Variants in SPAG16 observed in about 807,000 individuals in gnomAD.
SPAG16 encodes the protein sperm-associated antigen 16 protein.
A neutral mutation model predicts 80.4 loss-of-function variants in SPAG16; 86 were observed. The observed-to-expected ratio is 1.07, with a 90% CI of 0.90 to 1.28. The LOEUF (loss-of-function observed/expected upper bound fraction) is 1.28. SPAG16 is among the 50% of genes most tolerant of loss of function. SPAG16 has a pLI of 0.00. For synonymous variants in SPAG16, 294 were observed against 265.9 expected (o/e 1.11, Z -1.03); for missense variants, 870 against 765.3 (o/e 1.14, Z -1.61).
intron 10 of SPAG16, among the ~76,000 whole-genome samples, chr2:213,835,216 A>C (rs988255735): frequency 6.6e-6 from 1 of 152,204 alleles, no homozygotes; most frequent in African/African-American, 2.4e-5. Context: ...TGGAATCTAG[A>C]AATGTCTGAT....
rs1559505872 is a variant in SPAG16, at chr2:213,833,477, A to ATATATATAT, written c.1071-28999_1071-28991dup. The stretch of plus-strand genomic sequence containing the variant: ...TATTATATATATATTATATATAATA[A>ATATATATAT]TATATATATTATATATAATATATAT... On this transcript the variant is annotated intron_variant, in intron 10 of 15. Coordinates refer to ENST00000331683, the MANE Select transcript of SPAG16 (RefSeq NM_024532.5). 7.0e-3 allele frequency among the ~76,000 whole-genome samples: 21 copies of ATATATATAT among 2,996 alleles called. 7 individuals are homozygous for ATATATATAT. Among genetic ancestry groups the ATATATATAT allele is most frequent in the African/African-American group, 9.7e-3 (17 of 1,754 alleles). The allele number at this position is 2,996 out of a possible 152,430, so 2.0% of individuals were successfully genotyped here.
intron 14 of SPAG16, among the ~76,000 whole-genome samples, chr2:214,134,051 C>T (rs1197464107): frequency 6.6e-6 from 1 of 152,140 alleles, no homozygotes; most frequent in East Asian, 1.9e-4. Context: ...GAGTCATAAA[C>T]ATCTTAATAT....
intron 3 of SPAG16, among the ~76,000 whole-genome samples, chr2:213,299,527 C>T (rs923116684): frequency 2.0e-5 from 3 of 151,966 alleles, no homozygotes; most frequent in Non-Finnish European, 4.4e-5. Flanking sequence ...ATCCACCTGC[C>T]TCAGCCTCCC....
intron 10 of SPAG16, among the ~76,000 whole-genome samples, chr2:213,697,404 C>T (rs2065202830): frequency 2.0e-5 from 3 of 152,124 alleles, no homozygotes; most frequent in Admixed American, 2.0e-4. Flanking sequence ...TTGAAGCCTG[C>T]ACAATGTGAT....
At chr2:213,961,759 C>T (rs2044440147) in intron 12 of SPAG16, among the ~76,000 whole-genome samples, 1 of 152,034 alleles carries the variant, frequency 6.6e-6, no homozygotes, top group Non-Finnish European at 1.5e-5. Flanking sequence ...ATCCATTTTA[C>T]ATGTTGCTGG....
chr2:213,646,583 T>G (rs2125132035), intron 10 of SPAG16, among the ~76,000 whole-genome samples: 1 of 152,288 alleles, frequency 6.6e-6, no homozygotes, highest in South Asian at 2.1e-4. Flanking sequence ...TTAAATTCAT[T>G]TGATTGGAAA....
At chr2:214,272,513 T>C (rs1400595319) in intron 15 of SPAG16, among the ~76,000 whole-genome samples, 1 of 152,150 alleles carries the variant, frequency 6.6e-6, no homozygotes. Context: ...CATTGTTCAA[T>C]TCCCACCTAT....
intron 14 of SPAG16, among the ~76,000 whole-genome samples, chr2:214,109,931 A>G (rs1576233801): frequency 1.3e-5 from 2 of 152,296 alleles, no homozygotes; most frequent in Middle Eastern, 3.4e-3. Flanking sequence ...AATGAATAAT[A>G]TTTTGTAAAT....
chr2:214,118,660 C>G (rs1399150143), intron 14 of SPAG16, among the ~76,000 whole-genome samples: 1 of 152,042 alleles, frequency 6.6e-6, no homozygotes, highest in Non-Finnish European at 1.5e-5. Context: ...ATGAGGGTAA[C>G]CGCCCCCATG....
intron 15 of SPAG16, among the ~76,000 whole-genome samples, chr2:214,331,713 C>T (rs957605458): frequency 1.3e-5 from 2 of 152,198 alleles, no homozygotes; most frequent in African/African-American, 4.8e-5. Context: ...CCAGAGCTTT[C>T]TCAGGTAGAC....
intron 15 of SPAG16, among the ~76,000 whole-genome samples, chr2:214,331,954 T>C (rs1576801671): frequency 1.3e-5 from 2 of 152,196 alleles, no homozygotes; most frequent in African/African-American, 2.4e-5. Flanking sequence ...AGAAAGTGTC[T>C]AATAAAACAA....
intron 10 of SPAG16, among the ~76,000 whole-genome samples, chr2:213,688,616 G>A (rs1379427500): frequency 6.6e-6 from 1 of 152,162 alleles, no homozygotes; most frequent in Non-Finnish European, 1.5e-5. Context: ...TGTAGGGCAT[G>A]ACTCCCCAGA....
At chr2:213,729,776 A>C (rs2066942613) in intron 10 of SPAG16, among the ~76,000 whole-genome samples, 1 of 152,234 alleles carries the variant, frequency 6.6e-6, no homozygotes, top group African/African-American at 2.4e-5. Context: ...ACATTTGTTT[A>C]GTAAACACCA....
chr2:213,499,419 T>G (rs747304406), intron 10 of SPAG16, among the ~76,000 whole-genome samples: 1 of 152,158 alleles, frequency 6.6e-6, no homozygotes, highest in African/African-American at 2.4e-5. Flanking sequence ...AGATCATATC[T>G]TGTCACTATG....
chr2:213,381,274 T>C (rs1283073871), intron 9 of SPAG16, among the ~76,000 whole-genome samples: 1 of 152,164 alleles, frequency 6.6e-6, no homozygotes, highest in African/African-American at 2.4e-5. Flanking sequence ...TAGGGAAGGC[T>C]TGGAGGAAGA....
chr2:214,148,295 A>C (rs959893486), intron 14 of SPAG16, among the ~76,000 whole-genome samples: 1 of 152,134 alleles, frequency 6.6e-6, no homozygotes, highest in African/African-American at 2.4e-5. Context: ...ATTTCCTGAG[A>C]GACCAGCAGG....
At chr2:213,577,993 C>G (rs2060184701) in intron 10 of SPAG16, among the ~76,000 whole-genome samples, 1 of 151,998 alleles carries the variant, frequency 6.6e-6, no homozygotes, top group South Asian at 2.1e-4. Flanking sequence ...ATAACTAAAA[C>G]TCTTAAGGAA....
chr2:214,315,668 A>T (rs888436640), intron 15 of SPAG16, among the ~76,000 whole-genome samples: 17 of 152,142 alleles, frequency 1.1e-4, no homozygotes, highest in Middle Eastern at 3.4e-3. Flanking sequence ...AGTGTCTGGG[A>T]CTACAGGCGT....
intron 1 of SPAG16, among the ~76,000 whole-genome samples, chr2:213,287,075 A>C (rs1323999781): frequency 6.6e-6 from 1 of 152,156 alleles, no homozygotes; most frequent in Non-Finnish European, 1.5e-5. Context: ...AAGGTGAGAT[A>C]CAAATATACA....
Sources: allele counts gnomAD v4.1 joint callset (sites outside exome capture counted in the v4.1 genomes callset), GRCh38; gene constraint gnomAD v4.1.1; transcripts MANE v1.5; gene names NCBI Gene and HGNC (gene_info 2026-07-23, HGNC 2026-07-21).